Variants in OCLN observed in about 807,000 individuals in gnomAD.
OCLN encodes the protein occludin.
Under a neutral mutation model 47.9 loss-of-function variants are expected in OCLN, and 21 were observed. The observed-to-expected ratio is 0.44, with a 90% CI of 0.31 to 0.63. OCLN has a LOEUF of 0.63. Among genes scored for constraint, OCLN ranks in the 30% least tolerant of loss-of-function variants. The probability of loss-of-function intolerance (pLI) is 0.08; values close to 1 mark genes in which losing one functional copy is unlikely to be tolerated. For missense variants in OCLN, 360 were observed against 571.0 expected (o/e 0.63, Z 3.77); for synonymous variants, 117 against 198.4 (o/e 0.59, Z 3.45).
At chr5:69,515,730 A>G (rs867162064) in intron 4 of OCLN, among the ~76,000 whole-genome samples, 1 of 144,988 alleles carries the variant, frequency 6.9e-6, no homozygotes, top group Non-Finnish European at 1.5e-5. Context: ...GGGGCTCCTC[A>G]CTTCTCATAT....
Position 69,553,578 on chromosome 5 carries a change from T to G in OCLN, c.1476T>G (p.Asp492Glu), listed in dbSNP as rs370469574. The change falls in exon 9 of 9, where the codon GAT becomes GAG. Residue 492 changes from aspartate (D) to glutamate (E), a missense_variant. By Grantham distance (45) the Asp-to-Glu change is conservative. Coordinates refer to ENST00000396442, the MANE Select transcript of OCLN (RefSeq NM_001205254.2). ...ATTTTCTCCCTTTTTAGTCTGCAGA[T>G]TACAAAAGTAAGAAGAATCATTGCA... ...NRLKQVKGSADYKSKKNHCKQ... is the reference protein window; with the variant it reads ...NRLKQVKGSAEYKSKKNHCKQ... 1.2e-6 allele frequency: 2 copies of G among 1,613,634 alleles called. No individual in the cohort carries two copies. Among genetic ancestry groups the G allele is most frequent in the Non-Finnish European group, 1.7e-6 (2 of 1,179,910 alleles).
chr5:69,510,373 C>T (rs1180435514), intron 3 of OCLN, among the ~76,000 whole-genome samples: 1 of 152,052 alleles, frequency 6.6e-6, no homozygotes, highest in Non-Finnish European at 1.5e-5. Context: ...ACATTTGTGT[C>T]TACATTGGCT....
chr5:69,504,254 A>G lies in OCLN; in HGVS notation c.10A>G (p.Arg4Gly). 1.2e-6 allele frequency: 2 copies of G among 1,609,184 alleles called. No individual in the cohort carries two copies. The highest frequency in any genetic ancestry group is 1.7e-6 in the Non-Finnish European group (2 of 1,175,490). MSS[R>G]PLESPPPYRP... ...CCATTGACAATCAGCCATGTCATCC[A>G]GGCCTCTTGAAAGTCCACCTCCTTA... Residue 4 changes from arginine to glycine, a missense_variant, in exon 2 of 9, where the codon AGG becomes GGG. By Grantham distance (125) the Arg-to-Gly change is moderately radical. Around this residue, in one of 3 missense-constraint regions of OCLN, gnomAD observed 314 missense variants for 368.1 expected, o/e 0.85. Transcript: ENST00000396442.
rs946342061 is a variant in OCLN, at chr5:69,492,901, G to C, written c.-69+1G>C. ...GGTCGGGCCCAGTTGCGGCGAGCGG[G>C]TGAGTGTTGGGCGCGGCGTCAGGGG... On this transcript the variant is annotated splice_donor_variant, in intron 1 of 8. Coordinates refer to ENST00000396442, the MANE Select transcript of OCLN (RefSeq NM_001205254.2). LOFTEE classifies it low-confidence loss of function (5UTR_SPLICE). 6.6e-6 allele frequency: 1 copy of C among 152,586 alleles called. No homozygotes were observed. Among genetic ancestry groups the C allele is most frequent in the Non-Finnish European group, 1.5e-5 (1 of 68,424 alleles). 9.5% of individuals were successfully genotyped at this position (152,586 alleles called of 1,614,324 possible).
intron 4 of OCLN, among the ~76,000 whole-genome samples, chr5:69,523,318 A>G (rs1289249997): frequency 6.6e-6 from 1 of 152,072 alleles, no homozygotes; most frequent in East Asian, 1.9e-4. Context: ...ATTGTGTAAA[A>G]GGGGGCTATT....
chr5:69,512,750 AAGTT>A (rs1285601152), intron 3 of OCLN, among the ~76,000 whole-genome samples: 1 of 152,224 alleles, frequency 6.6e-6, no homozygotes, highest in Non-Finnish European at 1.5e-5. Flanking sequence ...TTCAGAGTGT[AAGTT>A]AGTATGTTTA....
Position 69,509,437 on chromosome 5 carries a change from GTGGCTA to G in OCLN, c.363_368del (p.Tyr128_Gly129del), listed in dbSNP as rs755910661. On this transcript the variant is annotated inframe_deletion, in exon 3 of 9. Transcript: ENST00000396442. ...GGAAGTGGCTTTGGTAGCTACGGAAGTGGCTATGGCTATGGCTATGGTTATGGCTAT... is the reference window on the plus strand; with the variant it reads ...GGAAGTGGCTTTGGTAGCTACGGAAGTGGCTATGGCTATGGTTATGGCTAT... 9.0e-5 allele frequency: 145 copies of G among 1,614,190 alleles called. 1 individual carries two copies. Among genetic ancestry groups the G allele is most frequent in the East Asian group, 4.9e-4 (22 of 44,884 alleles).
intron 4 of OCLN, among the ~76,000 whole-genome samples, chr5:69,518,044 G>A (rs1769026639): frequency 6.6e-6 from 1 of 152,186 alleles, no homozygotes. Context: ...TAGAGTCCCA[G>A]TGAACTTTGG....
intron 3 of OCLN, among the ~76,000 whole-genome samples, 191 bp from the exon 4 acceptor site, chr5:69,513,757 T>A (rs1424646694): frequency 1.3e-5 from 2 of 152,174 alleles, no homozygotes; most frequent in Non-Finnish European, 2.9e-5. Context: ...TTGCTGGCCT[T>A]AGCCCAGTTA....
At chr5:69,495,167 G>T (rs926663090) in intron 1 of OCLN, among the ~76,000 whole-genome samples, 2 of 152,112 alleles carry the variant, frequency 1.3e-5, no homozygotes, top group East Asian at 1.9e-4. Flanking sequence ...GCATTTTAAG[G>T]CTTATTTGAT....
At chr5:69,496,215 C>A (rs1326242846) in intron 1 of OCLN, among the ~76,000 whole-genome samples, 1 of 151,960 alleles carries the variant, frequency 6.6e-6, no homozygotes, top group African/African-American at 2.4e-5. Context: ...TCTCCTGCCT[C>A]GGCCTCCCGA....
Position 69,509,468 on chromosome 5 carries a change from T to C in OCLN, c.378T>C (p.Tyr126=), listed in dbSNP as rs1233780160. The C allele has an allele frequency of 6.2e-7, 1 of 1,614,230 alleles. No individual in the cohort carries two copies. The highest frequency in any genetic ancestry group is 8.5e-7 in the Non-Finnish European group (1 of 1,180,034). Reference sequence around the variant, plus strand: ...ATGGCTATGGCTATGGTTATGGCTATGGCTACGGAGGCTATACAGACCCAA... The same window carrying C: ...ATGGCTATGGCTATGGTTATGGCTACGGCTACGGAGGCTATACAGACCCAA... ...SGYGYGYGYG[Y]GYGGYTDPRA... Residue 126 remains tyrosine, a synonymous_variant, in exon 3 of 9, where the codon TAT becomes TAC. Coordinates refer to ENST00000396442, the MANE Select transcript of OCLN (RefSeq NM_001205254.2).
rs531917481 is a variant in OCLN at position 69,494,266 on chromosome 5, C to T, written c.-69+1366C>T. 7.4e-4 allele frequency among the ~76,000 whole-genome samples: 112 copies of T among 152,296 alleles called. 1 individual carries two copies. Among genetic ancestry groups the T allele is most frequent in the African/African-American group, 2.4e-3 (98 of 41,570 alleles). ...GCAGTGGCATCATCTGGGCTCACTG[C>T]AACCTCTGCCTCCCGGGTTCAAGCG... On this transcript the variant is annotated intron_variant, in intron 1 of 8. Coordinates refer to ENST00000396442, the MANE Select transcript of OCLN (RefSeq NM_001205254.2).
At position 69,514,232 on chromosome 5, in the gene OCLN, AT is replaced by A; in HGVS notation, c.891+125del. ...TTGTATATGTTGCAAAGGTTGTTGC[AT>A]TGGTTTTTACTCAGAATTTTAAGAG... On this transcript the variant is annotated intron_variant, in intron 4 of 8. Transcript: ENST00000396442. The A allele has an allele frequency of 3.3e-6, 3 of 899,658 alleles. No homozygotes were observed. In the East Asian group the frequency reaches 7.9e-5, roughly 24 times the overall value. The allele number at this position is 899,658 out of a possible 1,614,324, so 55.7% of individuals were successfully genotyped here. A position where few individuals can be genotyped will look rare whatever the true frequency, so the allele number is the denominator to read the frequency against.
intron 2 of OCLN, among the ~76,000 whole-genome samples, chr5:69,505,665 G>A (rs529059570): frequency 6.6e-6 from 1 of 152,186 alleles, no homozygotes; most frequent in African/African-American, 2.4e-5. Flanking sequence ...GTCATGTGAA[G>A]ACTTATCAGT....
intron 4 of OCLN, among the ~76,000 whole-genome samples, chr5:69,532,291 G>C (rs561014337): frequency 1.3e-5 from 2 of 152,266 alleles, no homozygotes; most frequent in African/African-American, 4.8e-5. Context: ...CTGGAGTGCA[G>C]TGGCACAATC....
chr5:69,548,688 G>A lies in OCLN; in HGVS notation c.1425+587G>A, dbSNP rs1303125721. On this transcript the variant is annotated intron_variant, in intron 7 of 8. Coordinates refer to ENST00000396442, the MANE Select transcript of OCLN (RefSeq NM_001205254.2). ...AAATAAAATAGCCAGGCTGGGCATGGTGGCTCATGGCTATAATCCCCACAC... is the reference window on the plus strand; with the variant it reads ...AAATAAAATAGCCAGGCTGGGCATGATGGCTCATGGCTATAATCCCCACAC... Among the ~76,000 whole-genome samples the A allele has an allele frequency of 4.6e-5, 7 of 151,190 alleles. 1 individual carries two copies. Among genetic ancestry groups the A allele is most frequent in the Non-Finnish European group, 1.0e-4 (7 of 67,826 alleles).
intron 3 of OCLN, among the ~76,000 whole-genome samples, chr5:69,512,795 T>C (rs1296321360): frequency 1.3e-5 from 2 of 152,238 alleles, no homozygotes; most frequent in African/African-American, 2.4e-5. Flanking sequence ...AATGTGCAGG[T>C]TGGAGTTGAG....
At chr5:69,548,599 C>T (rs1434059650) in intron 7 of OCLN, among the ~76,000 whole-genome samples, 1 of 148,840 alleles carries the variant, frequency 6.7e-6, no homozygotes, top group Non-Finnish European at 1.5e-5. Flanking sequence ...GGATTACAGG[C>T]GTGAGCCACC....
Sources: allele counts gnomAD v4.1 joint callset (sites outside exome capture counted in the v4.1 genomes callset), GRCh38; gene constraint gnomAD v4.1.1; regional missense constraint gnomAD v4.1.1; transcripts MANE v1.5; gene names NCBI Gene and HGNC (gene_info 2026-07-23, HGNC 2026-07-21).